The following TSC2 variants were observed in gnomAD, a reference collection of about 807,000 sequenced individuals.
TSC2 encodes TSC complex subunit 2.
In TSC2, 29 loss-of-function variants were observed where a neutral mutation model predicts 202.2. The ratio of observed to expected loss-of-function variants is 0.14; its 90% CI spans 0.11 to 0.20. TSC2 has a LOEUF of 0.20. TSC2 is among the 10% of genes least tolerant of loss of function. TSC2 has a pLI of 1.00. For synonymous variants in TSC2, 1,349 were observed against 1,044.0 expected (o/e 1.29, Z -5.63); for missense variants, 2,429 against 2,420.0 (o/e 1.00, Z -0.08).
chr16:2,078,912 G>A lies in TSC2; in HGVS notation c.2967-120G>A, dbSNP rs1356777413. The A allele has an allele frequency of 5.8e-6, 8 of 1,381,638 alleles. No homozygotes were observed. In the East Asian group the frequency reaches 6.9e-5, roughly 12 times the overall value. 85.6% of individuals were successfully genotyped at this position (1,381,638 alleles called of 1,614,324 possible). Reference sequence around the variant, plus strand: ...AGGCTCGCTGGGCCGCCCACGCCCTGTTGGGGTCTTTCCGAGCGAGGTCCT... The same window carrying A: ...AGGCTCGCTGGGCCGCCCACGCCCTATTGGGGTCTTTCCGAGCGAGGTCCT... On this transcript the variant is annotated intron_variant, in intron 26 of 41. Transcript: ENST00000219476.
At position 2,048,603 on chromosome 16, in the gene TSC2, G is replaced by T. The variant is rs745578322; in HGVS notation, c.-13G>T. Reference sequence around the variant, plus strand: ...TTTGCACAGAGGGGTTTTCTGGTGCGTCCTGGTCCACCATGGCCAAACCAA... The same window carrying T: ...TTTGCACAGAGGGGTTTTCTGGTGCTTCCTGGTCCACCATGGCCAAACCAA... On this transcript the variant is annotated 5_prime_UTR_variant, in exon 2 of 42. Coordinates refer to ENST00000219476, the MANE Select transcript of TSC2 (RefSeq NM_000548.5). The T allele has an allele frequency of 2.5e-6, 4 of 1,613,740 alleles. No individual in the cohort carries two copies. The South Asian group carries it at 3.3e-5, about 13-fold the overall frequency.
At chr16:2,054,609 T>C in intron 5 of TSC2, 169 bp downstream of exon 5, 1 of 946,724 alleles carries the variant, frequency 1.1e-6, no homozygotes, top group South Asian at 1.4e-5. Flanking sequence ...GGAGTGCCCC[T>C]GAGGCACGTG....
chr16:2,062,928 G>A (rs775390142), intron 13 of TSC2, 44 bp from the exon 14 acceptor site: 1 of 1,541,136 alleles, frequency 6.5e-7, no homozygotes, highest in South Asian at 1.2e-5. Flanking sequence ...GTGGGGCTGT[G>A]GCCGGGCACT....
At chr16:2,085,182 T>C (rs558509057) in intron 35 of TSC2, 48 bp from the exon 36 acceptor site, 1 of 1,611,330 alleles carries the variant, frequency 6.2e-7, no homozygotes, top group Admixed American at 1.7e-5. Context: ...TGGGGCGGCC[T>C]CCTGTGGACG....
chr16:2,061,570 G>T, intron 11 of TSC2: 1 of 466,654 alleles, frequency 2.1e-6, no homozygotes, highest in Non-Finnish European at 4.0e-6. Flanking sequence ...AAGATTCCTT[G>T]GGGGGTGGGG....
In TSC2 at chr16:2,072,695, G is replaced by C. The variant is rs572437829; in HGVS notation, c.2221-154G>C. 55 of 1,299,086 alleles carry C rather than the reference G, an allele frequency of 4.2e-5. No homozygotes were observed. In the African/African-American group the frequency reaches 7.4e-4, roughly 17 times the overall value. The allele number at this position is 1,299,086 out of a possible 1,614,324, so 80.5% of individuals were successfully genotyped here. On this transcript the variant is annotated intron_variant, in intron 20 of 41. Coordinates refer to ENST00000219476, the MANE Select transcript of TSC2 (RefSeq NM_000548.5). ...ACTTGGCAGGCACTCCCACCACTCCGAAAGGGAGGCCCTTCCTGGGAGGGA... is the reference window on the plus strand; with the variant it reads ...ACTTGGCAGGCACTCCCACCACTCCCAAAGGGAGGCCCTTCCTGGGAGGGA...
chr16:2,081,088 T>G (rs1319782544), intron 30 of TSC2: 1 of 239,054 alleles, frequency 4.2e-6, no homozygotes, highest in African/African-American at 2.3e-5. Context: ...GGTCCCTTGC[T>G]AGCCGTAATT....
intron 32 of TSC2, 181 bp from the exon 33 acceptor site, chr16:2,083,514 C>A: frequency 9.4e-7 from 1 of 1,061,070 alleles, no homozygotes; most frequent in Non-Finnish European, 1.4e-6. Flanking sequence ...GTCGGGGTCA[C>A]GTGCAGGCCT....
At chr16:2,053,152 G>A (rs1178251022) in intron 3 of TSC2, among the ~76,000 whole-genome samples, 190 bp from the exon 4 acceptor site, 4 of 152,306 alleles carry the variant, frequency 2.6e-5, no homozygotes, top group East Asian at 1.9e-4. Flanking sequence ...GCTCTGAGCC[G>A]TTCCCTGTAC....
intron 33 of TSC2, 134 bp downstream of exon 33, chr16:2,083,950 G>A: frequency 7.0e-7 from 1 of 1,434,092 alleles, no homozygotes; most frequent in Non-Finnish European, 9.2e-7. Context: ...CATCCCTCGT[G>A]CACAGACGGT....
rs45502703 is a variant in TSC2 at position 2,057,112 on chromosome 16, G to A, written c.782G>A (p.Arg261Gln). ...ACGCATTGTGTCTCGCAGCTGATGC[G>A]GAACCTCCTTGGCACCCACCTGGGC... is the stretch of plus-strand genomic sequence containing the variant. ...ELCEPCWKLM[R>Q]NLLGTHLGHS... Residue 261 changes from arginine to glutamine, a missense_variant, in exon 9 of 42, where the codon CGG (arginine) becomes CAG (glutamine). Transcript: ENST00000219476. 5.6e-5 allele frequency: 87 copies of A among 1,551,320 alleles called. No homozygotes were observed. Among genetic ancestry groups the A allele is most frequent in the Non-Finnish European group, 7.4e-5 (85 of 1,147,000 alleles).
chr16:2,064,418 C>A lies in TSC2; in HGVS notation c.1590C>A (p.Ile530=). The A allele has an allele frequency of 6.2e-7, 1 of 1,613,582 alleles. No homozygotes were observed. The highest frequency in any genetic ancestry group is 8.5e-7 in the Non-Finnish European group (1 of 1,180,026). Residue 530 remains isoleucine (I), a synonymous_variant, in exon 15 of 42, where the codon ATC becomes ATA. Coordinates refer to ENST00000219476, the MANE Select transcript of TSC2 (RefSeq NM_000548.5). ...HTHHFNSLLD[I]IEKVMARSLS... ...ACCACTTCAACAGCCTGCTGGACATCATCGAGAAGGTGAGAGCCGTTGTAC... is the reference window on the plus strand; with the variant it reads ...ACCACTTCAACAGCCTGCTGGACATAATCGAGAAGGTGAGAGCCGTTGTAC...
At chr16:2,087,970 G>A (rs2151616127) in intron 39 of TSC2, 29 bp downstream of exon 39, 1 of 1,612,556 alleles carries the variant, frequency 6.2e-7, no homozygotes, top group African/African-American at 1.3e-5. Flanking sequence ...CTGCAGTGCA[G>A]GAAAGGTAGG....
At chr16:2,064,518 T>G in intron 15 of TSC2, 91 bp downstream of exon 15, 1 of 1,590,038 alleles carries the variant, frequency 6.3e-7, no homozygotes, top group Non-Finnish European at 8.6e-7. Flanking sequence ...CCTCTTCGAG[T>G]GACCGGATGG....
rs1555440900 is a variant in TSC2 at position 2,088,331 on chromosome 16, G to C, written c.5259+6G>C. On this transcript the variant is annotated splice_donor_region_variant and intron_variant, in intron 41 of 41. Coordinates refer to ENST00000219476, the MANE Select transcript of TSC2 (RefSeq NM_000548.5). ...TCAAGCGGCTCCGCCAGCGGGTAGG[G>C]AATATGGGGCTCCCTCAGCGGGGTG... 6.2e-7 allele frequency: 1 copy of C among 1,612,614 alleles called. No homozygotes were observed. Among genetic ancestry groups the C allele is most frequent in the East Asian group, 2.2e-5 (1 of 44,880 alleles).
Position 2,077,860 on chromosome 16 carries a change from G to T in TSC2, c.2966+134G>T, listed in dbSNP as rs927255314. 5.5e-6 allele frequency: 8 copies of T among 1,461,404 alleles called. No individual in the cohort carries two copies. The Admixed American group carries it at 9.2e-5, about 17-fold the overall frequency. 90.5% of individuals were successfully genotyped at this position (1,461,404 alleles called of 1,614,324 possible). On this transcript the variant is annotated intron_variant, in intron 26 of 41. Coordinates refer to ENST00000219476, the MANE Select transcript of TSC2 (RefSeq NM_000548.5). ...TCCCTGGCCAGCCCAGGGGGAGCCG[G>T]TGACGAGGGGTGGAAAGGTTGCATT...
intron 9 of TSC2, among the ~76,000 whole-genome samples, chr16:2,057,450 G>A (rs1376461284): frequency 1.3e-5 from 2 of 152,158 alleles, no homozygotes; most frequent in African/African-American, 4.8e-5. Flanking sequence ...TACTTAGCCT[G>A]TTACAAGGCG....
chr16:2,059,233 G>T (rs1483721839), intron 10 of TSC2, among the ~76,000 whole-genome samples: 6 of 151,202 alleles, frequency 4.0e-5, no homozygotes, highest in Admixed American at 3.3e-4. Context: ...GGCCAGGCTG[G>T]TCTCGAATTC....
In TSC2 at chr16:2,071,294, GCTC is replaced by G; in HGVS notation, c.1840-214_1840-212del. The G allele has an allele frequency of 1.3e-5, 8 of 620,438 alleles. No individual in the cohort carries two copies. In the South Asian group the frequency reaches 1.4e-4, roughly 11 times the overall value. 38.4% of individuals were successfully genotyped at this position (620,438 alleles called of 1,614,324 possible). The stretch of plus-strand genomic sequence containing the variant: ...GTGGTGGGGACACCAGGCTCTGTGA[GCTC>G]CGAGGCAAGGGAGGGAGGAGGCTGT... On this transcript the variant is annotated intron_variant, in intron 17 of 41. Transcript: ENST00000219476.
Sources: gnomAD v4.1 joint callset for allele counts (sites outside exome capture counted in the v4.1 genomes callset) on GRCh38, gnomAD v4.1.1 for gene constraint, MANE v1.5 for transcripts, NCBI Gene and HGNC (gene_info 2026-07-23, HGNC 2026-07-21) for gene names.